Variants in CPB1 observed in about 807,000 individuals in gnomAD.
The protein encoded by CPB1 is carboxypeptidase B.
CPB1 carries 53 observed loss-of-function variants against 51.4 expected under a neutral mutation model. The observed-to-expected ratio is 1.03, with a 90% CI of 0.83 to 1.30. The LOEUF (loss-of-function observed/expected upper bound fraction) is 1.30. Among genes scored for constraint, CPB1 ranks in the 50% most tolerant of loss-of-function variants. The pLI is 0.00. For synonymous variants in CPB1, 189 were observed against 186.9 expected, an observed-to-expected ratio of 1.01 and a Z score of -0.09; for missense variants, 494 against 516.2, an observed-to-expected ratio of 0.96 and a Z score of 0.42.
chr3:148,858,441 G>A lies in CPB1; in HGVS notation c.1066+900G>A, dbSNP rs138340292. Among the ~76,000 whole-genome samples, 678 of 152,064 alleles carry A rather than the reference G, an allele frequency of 4.5e-3. 3 individuals are homozygous for A. The highest frequency in any genetic ancestry group is 0.015 in the African/African-American group (631 of 41,472). On this transcript the variant is annotated intron_variant, in intron 10 of 10. Coordinates refer to ENST00000282957, the MANE Select transcript of CPB1 (RefSeq NM_001871.3). ...CAAAAAATTAGCCAGGCGTGGTGGC[G>A]GGCACCTGTAATCCCAGCTGCTCGG...
chr3:148,844,378 T>C, intron 6 of CPB1, 100 bp from the exon 7 acceptor site: 1 of 797,010 alleles, frequency 1.3e-6, no homozygotes, highest in Non-Finnish European at 2.1e-6. Flanking sequence ...TAGGAAATGC[T>C]GCTCTTATTA....
In CPB1 at chr3:148,857,645, G is replaced by A. The variant is rs1656896921; in HGVS notation, c.1066+104G>A. On this transcript the variant is annotated intron_variant, in intron 10 of 10. Coordinates refer to ENST00000282957, the MANE Select transcript of CPB1 (RefSeq NM_001871.3). ...TGATAGTTTAAAGCATGTGGCTTTT[G>A]CCTCACAGCAAATTTTTCTAAAATA... The A allele has an allele frequency of 1.2e-5, 8 of 662,442 alleles. No homozygotes were observed. In the South Asian group the frequency reaches 2.4e-4, roughly 20 times the overall value. 41.0% of individuals were successfully genotyped at this position (662,442 alleles called of 1,614,324 possible). A position where few individuals can be genotyped will look rare whatever the true frequency, so the allele number is the denominator to read the frequency against.
chr3:148,841,041 A>G, intron 5 of CPB1, 66 bp downstream of exon 5: 1 of 1,300,398 alleles, frequency 7.7e-7, no homozygotes, highest in South Asian at 1.2e-5. Context: ...CTAACACATG[A>G]ACATCTGTTT....
At chr3:148,849,662 T>A (rs1006173412) in intron 9 of CPB1, among the ~76,000 whole-genome samples, 2 of 152,144 alleles carry the variant, frequency 1.3e-5, no homozygotes, top group Non-Finnish European at 2.9e-5. Flanking sequence ...TCTCCACAGA[T>A]TAACAAAATG....
intron 9 of CPB1, among the ~76,000 whole-genome samples, chr3:148,853,722 T>C (rs1364785369): frequency 6.6e-6 from 1 of 152,200 alleles, no homozygotes; most frequent in Non-Finnish European, 1.5e-5. Context: ...TCTTTTGAAG[T>C]ATTCCAAGGC....
chr3:148,840,555 G>C (rs994183217), intron 3 of CPB1, 131 bp from the exon 4 acceptor site: 1 of 741,062 alleles, frequency 1.3e-6, no homozygotes, highest in Non-Finnish European at 2.4e-6. Context: ...GGAAGAACCA[G>C]AGGACAACAT....
chr3:148,856,524 A>G lies in CPB1; in HGVS notation c.982-933A>G, dbSNP rs375184841. 7.2e-5 allele frequency: 11 copies of G among 152,376 alleles called. No individual in the cohort carries two copies. The East Asian group carries it at 1.2e-3, about 16-fold the overall frequency. The allele number at this position is 152,376 out of a possible 1,614,324, so 9.4% of individuals were successfully genotyped here. On this transcript the variant is annotated intron_variant, in intron 9 of 10. Coordinates refer to ENST00000282957, the MANE Select transcript of CPB1 (RefSeq NM_001871.3). Reference sequence around the variant, plus strand: ...GAAGAAGTAATTATAATGCCAAAGTATGAAATATAGCCGGTTTCATAACCG... The same window carrying G: ...GAAGAAGTAATTATAATGCCAAAGTGTGAAATATAGCCGGTTTCATAACCG...
At position 148,844,679 on chromosome 3, in the gene CPB1, C is replaced by A. The variant is rs1388732995; in HGVS notation, c.690C>A (p.Ser230Arg). ...IDGYIYTWTK[S>R]RFWRKTRSTH... ...CTAACTATGTAGTCCACTTTCAGAG[C>A]CGATTTTGGAGAAAGACTCGCTCCA... The change falls in exon 8 of 11, where the codon AGC becomes AGA. Residue 230 changes from serine (S) to arginine (R), a missense_variant and splice_region_variant. Transcript: ENST00000282957. 6.2e-7 allele frequency: 1 copy of A among 1,613,854 alleles called. No individual in the cohort carries two copies. The highest frequency in any genetic ancestry group is 8.5e-7 in the Non-Finnish European group (1 of 1,179,822).
intron 9 of CPB1, among the ~76,000 whole-genome samples, chr3:148,846,779 A>C: frequency 1.6e-5 from 1 of 62,198 alleles, no homozygotes; most frequent in East Asian, 4.8e-4. Flanking sequence ...ATACACATAT[A>C]TATGTGTGTG....
chr3:148,857,515 C>T lies in CPB1; in HGVS notation c.1040C>T (p.Thr347Ile). ...GCCTCACTGCACGGCACCAAGTACA[C>T]ATATGGCCCGGGAGCTACAACAATC... Reference protein sequence around the residue: ...ELASLHGTKYTYGPGATTIYP... With the variant: ...ELASLHGTKYIYGPGATTIYP... The change falls in exon 10 of 11, where the codon ACA (threonine) becomes ATA (isoleucine). Residue 347 changes from threonine to isoleucine, a missense_variant. Thr to Ile is a moderately conservative substitution (Grantham distance 89). Coordinates refer to ENST00000282957, the MANE Select transcript of CPB1 (RefSeq NM_001871.3). 1 of 1,613,914 alleles carries T rather than the reference C, an allele frequency of 6.2e-7. No individual in the cohort carries two copies. Among genetic ancestry groups the T allele is most frequent in the Non-Finnish European group, 8.5e-7 (1 of 1,179,856 alleles).
intron 9 of CPB1, among the ~76,000 whole-genome samples, chr3:148,847,667 A>G (rs1713297844): frequency 6.6e-6 from 1 of 152,152 alleles, no homozygotes; most frequent in Non-Finnish European, 1.5e-5. Context: ...TCTAATTGCC[A>G]AAGAAGTAGA....
chr3:148,856,825 A>G (rs1277609684), intron 9 of CPB1: 1 of 152,232 alleles, frequency 6.6e-6, no homozygotes, highest in Non-Finnish European at 1.5e-5. Context: ...TAATTCTGAA[A>G]TTCAAATGTT....
At position 148,844,476 on chromosome 3, in the gene CPB1, A is replaced by G; in HGVS notation, c.577-2A>G. 1.2e-6 allele frequency: 2 copies of G among 1,607,796 alleles called. No individual in the cohort carries two copies. Among genetic ancestry groups the G allele is most frequent in the South Asian group, 2.2e-5 (2 of 90,844 alleles). On this transcript the variant is annotated splice_acceptor_variant, in intron 6 of 10. Transcript: ENST00000282957. LOFTEE classifies it high-confidence loss of function. ...AAATTCCTCTTCATAATTCACATACAGGCTGTTCGTACCTATGGACGTGAG... is the reference window on the plus strand; with the variant it reads ...AAATTCCTCTTCATAATTCACATACGGGCTGTTCGTACCTATGGACGTGAG...
Position 148,845,380 on chromosome 3 carries a change from C to G in CPB1, c.779-44C>G. The G allele has an allele frequency of 1.3e-6, 2 of 1,574,254 alleles. 1 individual carries two copies. Among genetic ancestry groups the G allele is most frequent in the African/African-American group, 2.7e-5 (2 of 73,990 alleles). Reference sequence around the variant, plus strand: ...AAAGTTTAAAACATCCCCACAAGAACTTCACTAGGTGATCCTTGCCATTAA... The same window carrying G: ...AAAGTTTAAAACATCCCCACAAGAAGTTCACTAGGTGATCCTTGCCATTAA... On this transcript the variant is annotated intron_variant, in intron 8 of 10. Coordinates refer to ENST00000282957, the MANE Select transcript of CPB1 (RefSeq NM_001871.3).
At chr3:148,839,009 G>A (rs1278088654) in intron 3 of CPB1, among the ~76,000 whole-genome samples, 2 of 126,626 alleles carry the variant, frequency 1.6e-5, no homozygotes, top group East Asian at 4.9e-4. Context: ...ATGTGAATAT[G>A]TCATGTTTAT....
chr3:148,854,103 G>C (rs894431695), intron 9 of CPB1: 2 of 152,058 alleles, frequency 1.3e-5, no homozygotes, highest in Non-Finnish European at 2.9e-5. Context: ...AAACATGAAG[G>C]GAAAAGAGTT....
chr3:148,848,050 C>T (rs149377173), intron 9 of CPB1, among the ~76,000 whole-genome samples: 4 of 152,210 alleles, frequency 2.6e-5, no homozygotes, highest in African/African-American at 4.8e-5. Context: ...TAGTTTAGCA[C>T]GCCAAAGCAA....
chr3:148,849,880 G>C (rs1713372979), intron 9 of CPB1, among the ~76,000 whole-genome samples: 1 of 152,238 alleles, frequency 6.6e-6, no homozygotes, highest in South Asian at 2.1e-4. Flanking sequence ...GGCTCCTGAG[G>C]AATCTTCTAG....
intron 9 of CPB1, among the ~76,000 whole-genome samples, chr3:148,850,462 C>T (rs1266828516): frequency 4.0e-5 from 6 of 151,762 alleles, no homozygotes; most frequent in Non-Finnish European, 7.4e-5. Flanking sequence ...CCACCACACC[C>T]GGCTAATTTT....
Sources: allele counts gnomAD v4.1 joint callset (sites outside exome capture counted in the v4.1 genomes callset), GRCh38; gene constraint gnomAD v4.1.1; transcripts MANE v1.5; gene names NCBI Gene and HGNC (gene_info 2026-07-23, HGNC 2026-07-21).